Variants in DHX30 observed in about 807,000 individuals in gnomAD.
The protein encoded by DHX30 is DExH-box helicase 30.
A neutral mutation model predicts 116.9 loss-of-function variants in DHX30; 4 were observed. The ratio of observed to expected loss-of-function variants is 0.03; its 90% CI spans 0.02 to 0.08. The LOEUF is 0.08. Among genes scored for constraint, DHX30 ranks in the 10% least tolerant of loss-of-function variants. The pLI, the probability that DHX30 is intolerant of heterozygous loss-of-function variation, is 1.00. For missense variants in DHX30, 871 were observed against 1,595.1 expected (o/e 0.55, Z 7.73); for synonymous variants, 697 against 651.7 (o/e 1.07, Z -1.06).
chr3:47,817,199 G>A (rs1040215082), intron 3 of DHX30, among the ~76,000 whole-genome samples: 2 of 152,190 alleles, frequency 1.3e-5, no homozygotes, highest in Non-Finnish European at 2.9e-5. Flanking sequence ...AGAGCAAAGA[G>A]TGCATGCATT....
At chr3:47,820,994 C>T (rs374707064) in intron 4 of DHX30, among the ~76,000 whole-genome samples, 80 of 151,500 alleles carry the variant, frequency 5.3e-4, no homozygotes, top group African/African-American at 1.9e-3. Context: ...CACTCTGTCA[C>T]CCAGGCTGGA....
intron 6 of DHX30, among the ~76,000 whole-genome samples, chr3:47,832,940 CTTT>C (rs752858732): frequency 2.5e-5 from 3 of 118,726 alleles, no homozygotes; most frequent in Non-Finnish European, 5.3e-5. Context: ...TGCCTGGCCT[CTTT>C]TTTTTTTTTT....
chr3:47,813,318 C>T (rs868388981), intron 3 of DHX30, among the ~76,000 whole-genome samples: 8 of 152,174 alleles, frequency 5.3e-5, no homozygotes, highest in Middle Eastern at 6.8e-3. Context: ...CTGGCCTGGG[C>T]GAAACAGCGA....
At chr3:47,803,291 G>A (rs1019816526) in intron 1 of DHX30, 79 bp downstream of exon 1, 1 of 389,166 alleles carries the variant, frequency 2.6e-6, no homozygotes, top group Non-Finnish European at 4.5e-6. Flanking sequence ...TCGTGAGGAG[G>A]GGGCCCGGTC....
chr3:47,845,843 C>G lies in DHX30; in HGVS notation c.1083C>G (p.Phe361Leu), dbSNP rs750008150. ...PEPILRKIET[F>L]LNHYPVESSW... is the part of the protein sequence containing the mutation. Reference sequence around the variant, plus strand: ...CCATCCTCCGCAAGATAGAGACCTTCCTGAACCATGTAAGAGGCCCTGCAT... The same window carrying G: ...CCATCCTCCGCAAGATAGAGACCTTGCTGAACCATGTAAGAGGCCCTGCAT... The change falls in exon 10 of 22, where the codon TTC (phenylalanine) becomes TTG (leucine). Residue 361 changes from phenylalanine (F) to leucine (L), a missense_variant. Phe to Leu is a conservative substitution (Grantham distance 22). Coordinates refer to ENST00000445061, the MANE Select transcript of DHX30 (RefSeq NM_138615.3). 1.3e-6 allele frequency: 2 copies of G among 1,599,788 alleles called. No individual in the cohort carries two copies. The highest frequency in any genetic ancestry group is 2.7e-5 in the African/African-American group (2 of 74,706).
At chr3:47,805,908 G>T (rs2035492626) in intron 2 of DHX30, among the ~76,000 whole-genome samples, 1 of 152,152 alleles carries the variant, frequency 6.6e-6, no homozygotes, top group Non-Finnish European at 1.5e-5. Context: ...ACTCTACCTG[G>T]AGTTAAATTG....
At position 47,807,444 on chromosome 3, in the gene DHX30, C is replaced by T. The variant is rs1324248765; in HGVS notation, c.-28+2024C>T. On this transcript the variant is annotated intron_variant, in intron 2 of 21. Transcript: ENST00000445061. Reference sequence around the variant, plus strand: ...ACTGGCCGGGCACGGTGGCTCATGCCTGTAATCCCAGCACTTTGGGAGGCC... The same window carrying T: ...ACTGGCCGGGCACGGTGGCTCATGCTTGTAATCCCAGCACTTTGGGAGGCC... Among the ~76,000 whole-genome samples the T allele has an allele frequency of 2.6e-5, 4 of 151,918 alleles. No homozygotes were observed. In the East Asian group the frequency reaches 7.8e-4, roughly 29 times the overall value.
In DHX30 at chr3:47,848,841, GC is replaced by G; in HGVS notation, c.2769+26del. On this transcript the variant is annotated intron_variant, in intron 17 of 21. Transcript: ENST00000445061. The surrounding 1 kb of genome is among the most constrained non-coding windows in gnomAD (Gnocchi z 9.4). ...AGGTCAGTCCTGGCTCCTTCCTGGA[GC>G]CGTCCACCCACTGCTGTTCTGAGGG... The G allele has an allele frequency of 6.2e-7, 1 of 1,602,678 alleles. No homozygotes were observed. Among genetic ancestry groups the G allele is most frequent in the Non-Finnish European group, 8.5e-7 (1 of 1,170,664 alleles).
intron 4 of DHX30, among the ~76,000 whole-genome samples, chr3:47,827,041 C>T (rs1480197270): frequency 6.6e-6 from 1 of 152,026 alleles, no homozygotes; most frequent in Admixed American, 6.6e-5. Context: ...TATTGACCAA[C>T]CAGGCTTTTG....
intron 3 of DHX30, chr3:47,817,068 C>A: frequency 1.7e-6 from 1 of 577,808 alleles, no homozygotes; most frequent in Non-Finnish European, 2.2e-6. Flanking sequence ...GTATATGAGT[C>A]AATTTGCATT....
chr3:47,816,047 AC>A lies in DHX30; in HGVS notation c.29-1974del. ...TTTCCAACCTTAGCTTCAAGGCAGA[AC>A]TGGAATTAGTTTCAAAATAAACCTT... On this transcript the variant is annotated intron_variant, in intron 3 of 21. Coordinates refer to ENST00000445061, the MANE Select transcript of DHX30 (RefSeq NM_138615.3). 4.1e-6 allele frequency: 4 copies of A among 985,322 alleles called. No individual in the cohort carries two copies. The African/African-American group carries it at 7.0e-5, about 17-fold the overall frequency. 61.0% of individuals were successfully genotyped at this position (985,322 alleles called of 1,614,324 possible). A position where few individuals can be genotyped will look rare whatever the true frequency, so the allele number is the denominator to read the frequency against.
chr3:47,829,898 C>G (rs1027992677), intron 6 of DHX30, among the ~76,000 whole-genome samples: 1 of 151,538 alleles, frequency 6.6e-6, no homozygotes, highest in Non-Finnish European at 1.5e-5. Context: ...CTGGCGAGAT[C>G]TCAGCTCACT....
intron 4 of DHX30, among the ~76,000 whole-genome samples, chr3:47,822,985 T>TG (rs1208913618): frequency 6.8e-6 from 1 of 148,098 alleles, no homozygotes. Flanking sequence ...CCCAGCTACT[T>TG]GGGGGGCTGA....
rs757201052 is a variant in DHX30 at position 47,848,781 on chromosome 3, C to T, written c.2733C>T (p.Phe911=). The change falls in exon 17 of 22, where the codon TTC becomes TTT. Residue 911 remains phenylalanine, a synonymous_variant. Coordinates refer to ENST00000445061, the MANE Select transcript of DHX30 (RefSeq NM_138615.3). This position sits in a 1 kb window ranked among gnomAD's most constrained non-coding sequence, Gnocchi z 9.4. ...TTTCCTGCCTCACCCGGGACCCCTT[C>T]AGCAGCAGCCTACAGAACCGGGCAG... ...VVVSCLTRDP[F]SSSLQNRAEV... 6.8e-6 allele frequency: 11 copies of T among 1,614,058 alleles called. No individual in the cohort carries two copies. Among genetic ancestry groups the T allele is most frequent in the Non-Finnish European group, 7.6e-6 (9 of 1,179,906 alleles).
rs776941575 is a variant in DHX30, at chr3:47,846,189, G to A, written c.1117G>A (p.Ala373Thr). ...GTACCCTGTGGAGAGTTCATGGATCGCCCCAGAACTCCGGCTGCAGAGTGA... is the reference window on the plus strand; with the variant it reads ...GTACCCTGTGGAGAGTTCATGGATCACCCCAGAACTCCGGCTGCAGAGTGA... ...NHYPVESSWI[A>T]PELRLQSDDI... Residue 373 changes from alanine to threonine, a missense_variant, in exon 11 of 22, where the codon GCC becomes ACC. Coordinates refer to ENST00000445061, the MANE Select transcript of DHX30 (RefSeq NM_138615.3). 8 of 1,613,392 alleles carry A rather than the reference G, an allele frequency of 5.0e-6. No homozygotes were observed. Among genetic ancestry groups the A allele is most frequent in the South Asian group, 2.2e-5 (2 of 91,088 alleles).
chr3:47,845,897 G>A, intron 10 of DHX30, 45 bp downstream of exon 10: 2 of 1,563,092 alleles, frequency 1.3e-6, no homozygotes, highest in Non-Finnish European at 1.7e-6. Flanking sequence ...CCTGTAGTCT[G>A]CCTCCATCTC....
intron 3 of DHX30, among the ~76,000 whole-genome samples, chr3:47,817,738 G>T (rs1236947985): frequency 6.6e-6 from 1 of 152,204 alleles, no homozygotes; most frequent in Non-Finnish European, 1.5e-5. Flanking sequence ...AAGACTAAGA[G>T]AAGTATATAG....
chr3:47,824,320 T>C (rs930879105), intron 4 of DHX30, among the ~76,000 whole-genome samples: 3 of 151,984 alleles, frequency 2.0e-5, no homozygotes, highest in African/African-American at 7.3e-5. Flanking sequence ...GCACTTTCAC[T>C]GCTGGACTTT....
intron 10 of DHX30, 98 bp downstream of exon 10, chr3:47,845,950 C>T (rs752225413): frequency 6.8e-5 from 102 of 1,505,558 alleles, no homozygotes; most frequent in South Asian, 5.3e-4. Flanking sequence ...GTAGTACCTC[C>T]CCATTCTCTT....
Sources: allele counts gnomAD v4.1 joint callset (sites outside exome capture counted in the v4.1 genomes callset), GRCh38; gene constraint gnomAD v4.1.1; non-coding constraint Gnocchi (gnomAD v3.1); transcripts MANE v1.5; gene names NCBI Gene and HGNC (gene_info 2026-07-23, HGNC 2026-07-21).